The following CCT2 variants were observed in gnomAD, a reference collection of about 807,000 sequenced individuals.
The protein encoded by CCT2 is T-complex protein 1 subunit beta.
In CCT2, 18 loss-of-function variants were observed where a neutral mutation model predicts 61.8. That is an observed-to-expected ratio of 0.29 (90% CI 0.20 to 0.43). The LOEUF is 0.43. Among genes scored for constraint, CCT2 ranks in the 20% least tolerant of loss-of-function variants. The pLI, the probability that CCT2 is intolerant of heterozygous loss-of-function variation, is 1.00. For synonymous variants in CCT2, 248 were observed against 215.9 expected, an observed-to-expected ratio of 1.15 and a Z score of -1.30; for missense variants, 556 against 656.9, an observed-to-expected ratio of 0.85 and a Z score of 1.68.
At chr12:69,586,879 A>G (rs1453243168) in intron 3 of CCT2, 61 bp downstream of exon 3, 5 of 983,492 alleles carry the variant, frequency 5.1e-6, no homozygotes, top group African/African-American at 3.3e-5. Context: ...GTGGAAATAT[A>G]ATAACAAGCG....
At chr12:69,597,493 A>G in intron 11 of CCT2, 145 bp from the exon 12 acceptor site, 1 of 1,045,024 alleles carries the variant, frequency 9.6e-7, no homozygotes, top group Non-Finnish European at 1.4e-6. Context: ...ATAACTTAGA[A>G]CCATTATGAG....
intron 1 of CCT2, 189 bp from the exon 2 acceptor site, chr12:69,586,081 C>A: frequency 2.3e-6 from 3 of 1,292,316 alleles, no homozygotes; most frequent in African/African-American, 1.5e-5. Flanking sequence ...AAAGCCATGT[C>A]GCTCTCCTAC....
rs200570835 is a variant in CCT2 at position 69,587,593 on chromosome 12, A to G, written c.233A>G (p.Asn78Ser). The change falls in exon 4 of 16, where the codon AAT becomes AGT. Residue 78 changes from asparagine to serine, a missense_variant. Asn to Ser is a conservative substitution (Grantham distance 46, BLOSUM62 1). Transcript: ENST00000299300. ...ATTCTAAAAAACATTGGTGTTGACA[A>G]TCCAGCAGCTAAAGTTTTAGTTGGT... ...ATILKNIGVD[N>S]PAAKVLVDMS... 3.7e-6 allele frequency: 6 copies of G among 1,610,430 alleles called. No homozygotes were observed. The highest frequency in any genetic ancestry group is 2.2e-5 in the South Asian group (2 of 91,006).
chr12:69,599,277 G>C (rs910145165), intron 14 of CCT2, among the ~76,000 whole-genome samples: 36 of 151,354 alleles, frequency 2.4e-4, no homozygotes, highest in African/African-American at 8.7e-4. Flanking sequence ...CTTAGAGATG[G>C]GGGGGCAGTC....
chr12:69,599,972 G>C lies in CCT2; in HGVS notation c.1545G>C (p.Leu515=), dbSNP rs768657611. Residue 515 remains leucine, a synonymous_variant, in exon 15 of 16, where the codon CTG becomes CTC. Coordinates refer to ENST00000299300, the MANE Select transcript of CCT2 (RefSeq NM_006431.3). ...CAGCTGAAGCAGCAGAGGTGATTCTGCGTGTGGACAACATCATCAAAGCGG... is the reference window on the plus strand; with the variant it reads ...CAGCTGAAGCAGCAGAGGTGATTCTCCGTGTGGACAACATCATCAAAGCGG... ...LSAAEAAEVI[L]RVDNIIKAAP... 1.9e-6 allele frequency: 3 copies of C among 1,613,472 alleles called. No homozygotes were observed. The highest frequency in any genetic ancestry group is 1.6e-4 in the Middle Eastern group (1 of 6,062).
Position 69,593,110 on chromosome 12 carries a change from G to A in CCT2, c.878+7G>A, listed in dbSNP as rs763651446. ...TAAATTGCTTTATTAACAGGTCTGT[G>A]TTTGCTTTTAAGAAAGGATTTTTTT... On this transcript the variant is annotated splice_region_variant and intron_variant, in intron 9 of 15. Coordinates refer to ENST00000299300, the MANE Select transcript of CCT2 (RefSeq NM_006431.3). 2.5e-6 allele frequency: 4 copies of A among 1,605,034 alleles called. No homozygotes were observed. Among genetic ancestry groups the A allele is most frequent in the South Asian group, 1.1e-5 (1 of 89,278 alleles).
chr12:69,587,889 A>C (rs1365898082), intron 4 of CCT2, 41 bp from the exon 5 acceptor site: 2 of 1,468,810 alleles, frequency 1.4e-6, no homozygotes, highest in Non-Finnish European at 1.9e-6. Context: ...TTTAGTAAGC[A>C]AAGAAGCAAT....
At chr12:69,594,703 T>A (rs1038656421) in intron 10 of CCT2, among the ~76,000 whole-genome samples, 1 of 152,024 alleles carries the variant, frequency 6.6e-6, no homozygotes, top group Non-Finnish European at 1.5e-5. Context: ...AAAAATTAGC[T>A]GGGCGTGGTG....
chr12:69,588,254 T>TG lies in CCT2; in HGVS notation c.439dup (p.Asp147GlyfsTer6), dbSNP rs1351091260. 6.2e-7 allele frequency: 1 copy of TG among 1,611,010 alleles called. No homozygotes were observed. The highest frequency in any genetic ancestry group is 8.5e-7 in the Non-Finnish European group (1 of 1,177,236). On this transcript the variant is annotated frameshift_variant, in exon 6 of 16. Transcript: ENST00000299300. LOFTEE classifies it high-confidence loss of function. Reference sequence around the variant, plus strand: ...GAGAGGCGCTGTTGAGTTCTGCAGTTGATCATGGGTTTGTATAGCAAAGTA... The same window carrying TG: ...GAGAGGCGCTGTTGAGTTCTGCAGTTGGATCATGGGTTTGTATAGCAAAGTA...
At chr12:69,597,384 T>A in intron 11 of CCT2, 109 bp downstream of exon 11, 1 of 1,324,246 alleles carries the variant, frequency 7.6e-7, no homozygotes, top group East Asian at 2.3e-5. Context: ...GTCTTAACTC[T>A]TCAGAAGCAT....
At position 69,585,488 on chromosome 12, in the gene CCT2, G is replaced by C. The variant is rs781734175; in HGVS notation, c.-34G>C. On this transcript the variant is annotated 5_prime_UTR_variant, in exon 1 of 16. Transcript: ENST00000299300. Reference sequence around the variant, plus strand: ...CGCTGGTCCCGAGCACGAGCTGTGAGGGGATTCACTTGTGTGCGGAACTCC... The same window carrying C: ...CGCTGGTCCCGAGCACGAGCTGTGACGGGATTCACTTGTGTGCGGAACTCC... The C allele has an allele frequency of 5.8e-6, 9 of 1,560,032 alleles. No homozygotes were observed. The highest frequency in any genetic ancestry group is 1.2e-5 in the South Asian group (1 of 84,722).
chr12:69,587,274 C>A, intron 3 of CCT2: 1 of 422,770 alleles, frequency 2.4e-6, no homozygotes. Context: ...ATTGTTTTTG[C>A]AGTTACGGTG....
chr12:69,587,928 A>G lies in CCT2; in HGVS notation c.257-2A>G. 1 of 1,606,838 alleles carries G rather than the reference A, an allele frequency of 6.2e-7. No individual in the cohort carries two copies. Among genetic ancestry groups the G allele is most frequent in the Non-Finnish European group, 8.5e-7 (1 of 1,173,818 alleles). On this transcript the variant is annotated splice_acceptor_variant, in intron 4 of 15. Transcript: ENST00000299300. LOFTEE classifies it high-confidence loss of function. ...GAGTTAATAACTAATTTCTTTTTCT[A>G]GATATGTCAAGGGTTCAAGATGATG...
At chr12:69,597,344 T>C (rs906083064) in intron 11 of CCT2, 69 bp downstream of exon 11, 41 of 1,549,562 alleles carry the variant, frequency 2.6e-5, no homozygotes, top group Non-Finnish European at 3.5e-5. Context: ...GTAAAGGTTA[T>C]TGTAGTTACT....
rs772758306 is a variant in CCT2, at chr12:69,586,813, G to A, written c.139G>A (p.Gly47Ser). ...DLVKSTLGPK[G>S]MDKILLSSGR... ...GGTAAAGAGCACCTTGGGACCCAAA[G>A]GCATGGTAAGAAAAATAGAAAAGTT... Residue 47 changes from glycine (G) to serine (S), a missense_variant, in exon 3 of 16, where the codon GGC becomes AGC. Around this residue, in one of 3 missense-constraint regions of CCT2, gnomAD observed 308 missense variants for 350.6 expected, o/e 0.88. Transcript: ENST00000299300. 3 of 1,577,310 alleles carry A rather than the reference G, an allele frequency of 1.9e-6. No individual in the cohort carries two copies. Among genetic ancestry groups the A allele is most frequent in the East Asian group, 4.5e-5 (2 of 44,278 alleles).
rs559620948 is a variant in CCT2 at position 69,599,904 on chromosome 12, A to G, written c.1477A>G (p.Ile493Val). The change falls in exon 15 of 16, where the codon ATA becomes GTA. Residue 493 changes from isoleucine to valine, a missense_variant. By Grantham distance (29) the Ile-to-Val change is conservative. Coordinates refer to ENST00000299300, the MANE Select transcript of CCT2 (RefSeq NM_006431.3). ...CATTGGAGATATGGCTATCCTGGGTATAACAGAAAGTTTTCAAGTGAAGCG... is the reference window on the plus strand; with the variant it reads ...CATTGGAGATATGGCTATCCTGGGTGTAACAGAAAGTTTTCAAGTGAAGCG... ...GTIGDMAILG[I>V]TESFQVKRQV... 11 of 1,613,906 alleles carry G rather than the reference A, an allele frequency of 6.8e-6. No homozygotes were observed. In the East Asian group the frequency reaches 1.8e-4, roughly 26 times the overall value.
chr12:69,593,268 G>A (rs1295149873), intron 9 of CCT2, among the ~76,000 whole-genome samples, 165 bp downstream of exon 9: 2 of 152,168 alleles, frequency 1.3e-5, no homozygotes, highest in African/African-American at 4.8e-5. Context: ...CACACTTACA[G>A]TGACCAGAAT....
At chr12:69,597,611 AG>A (rs1434969732) in intron 11 of CCT2, 26 bp from the exon 12 acceptor site, 2 of 1,607,246 alleles carry the variant, frequency 1.2e-6, no homozygotes, top group Non-Finnish European at 1.7e-6. Context: ...TTTATCCCTA[AG>A]TGGTCACTGT....
rs145691534 is a variant in CCT2, at chr12:69,597,804, C to A, written c.1231+38C>A. 48 of 1,565,690 alleles carry A rather than the reference C, an allele frequency of 3.1e-5. No homozygotes were observed. The East Asian group carries it at 1.1e-3, about 35-fold the overall frequency. ...AAAATGTTGAATATATTTTTAATTT[C>A]TTAAAGTACAATATAAGTCATAAGT... On this transcript the variant is annotated intron_variant, in intron 12 of 15. Transcript: ENST00000299300.
Sources: gnomAD v4.1 joint callset for allele counts (sites outside exome capture counted in the v4.1 genomes callset) on GRCh38, gnomAD v4.1.1 for gene constraint, gnomAD v4.1.1 regional missense constraint, MANE v1.5 for transcripts, NCBI Gene and HGNC (gene_info 2026-07-23, HGNC 2026-07-21) for gene names.